The following ERP44 variants were observed in gnomAD, a reference collection of about 807,000 sequenced individuals.
ERP44 encodes endoplasmic reticulum resident protein 44.
In ERP44, 25 loss-of-function variants were observed where a neutral mutation model predicts 53.4. The ratio of observed to expected loss-of-function variants is 0.47; its 90% CI spans 0.34 to 0.65. ERP44 has a LOEUF of 0.65. ERP44 is among the 30% of genes least tolerant of loss of function. The pLI is 0.01. For missense variants in ERP44, 338 were observed against 493.2 expected, an observed-to-expected ratio of 0.69 and a Z score of 2.98; for synonymous variants, 145 against 161.2, an observed-to-expected ratio of 0.90 and a Z score of 0.76.
chr9:100,054,957 TC>T (rs1205413710), intron 3 of ERP44, among the ~76,000 whole-genome samples: 3 of 152,088 alleles, frequency 2.0e-5, no homozygotes, highest in Admixed American at 2.0e-4. Context: ...CCTTAACAAA[TC>T]TACCAAATAG....
chr9:100,086,276 A>G (rs959305325), intron 1 of ERP44, among the ~76,000 whole-genome samples: 1 of 152,248 alleles, frequency 6.6e-6, no homozygotes, highest in African/African-American at 2.4e-5. Flanking sequence ...TCTATCAATC[A>G]TAATTATAGT....
At chr9:100,010,834 G>C (rs1830467426) in intron 8 of ERP44, among the ~76,000 whole-genome samples, 1 of 150,044 alleles carries the variant, frequency 6.7e-6, no homozygotes, top group Admixed American at 6.7e-5. Context: ...CTGGGGGGCA[G>C]AGGTTACAGT....
At chr9:100,063,674 T>A (rs1826180205) in intron 1 of ERP44, among the ~76,000 whole-genome samples, 1 of 152,206 alleles carries the variant, frequency 6.6e-6, no homozygotes, top group Non-Finnish European at 1.5e-5. Context: ...TTTTCATAGA[T>A]CTTAATAGTC....
chr9:100,054,640 G>C (rs944961429), intron 3 of ERP44, among the ~76,000 whole-genome samples: 1 of 152,122 alleles, frequency 6.6e-6, no homozygotes, highest in Non-Finnish European at 1.5e-5. Flanking sequence ...TTTGGATTTC[G>C]TATTTTTGGG....
intron 4 of ERP44, among the ~76,000 whole-genome samples, chr9:100,024,180 C>G (rs1015422495): frequency 2.1e-4 from 31 of 151,032 alleles, no homozygotes; most frequent in African/African-American, 7.4e-4. Flanking sequence ...ACAACAACAA[C>G]AACAACAACA....
chr9:100,081,640 C>G (rs1008616631), intron 1 of ERP44, among the ~76,000 whole-genome samples: 1 of 152,096 alleles, frequency 6.6e-6, no homozygotes, highest in Non-Finnish European at 1.5e-5. Flanking sequence ...CAACAGCATT[C>G]CTGATTTAAA....
At chr9:100,046,506 G>T (rs1291887473) in intron 4 of ERP44, among the ~76,000 whole-genome samples, 1 of 151,976 alleles carries the variant, frequency 6.6e-6, no homozygotes, top group Non-Finnish European at 1.5e-5. Context: ...AAAGTTTAAA[G>T]TATCATTTAC....
chr9:100,004,293 C>T (rs1830406173), intron 10 of ERP44, among the ~76,000 whole-genome samples: 1 of 152,176 alleles, frequency 6.6e-6, no homozygotes, highest in Non-Finnish European at 1.5e-5. Context: ...TAGGATAAGC[C>T]TGAACCCTGG....
rs530396253 is a variant in ERP44, at chr9:100,093,649, G to T, written c.57+5135C>A. Among the ~76,000 whole-genome samples, 40 of 151,458 alleles carry T rather than the reference G, an allele frequency of 2.6e-4. No homozygotes were observed. In the South Asian group the frequency reaches 7.9e-3, roughly 30 times the overall value. Reference sequence around the variant, plus strand: ...CACAGCAAGACCCTGTCTGTGGGGGGGGAAAAAAAAAGAACTGTGTGTGTC... The same window carrying T: ...CACAGCAAGACCCTGTCTGTGGGGGTGGAAAAAAAAAGAACTGTGTGTGTC... On this transcript the variant is annotated intron_variant, in intron 1 of 11. Transcript: ENST00000262455.
At chr9:100,006,704 T>A in intron 9 of ERP44, 57 bp from the exon 10 acceptor site, 2 of 1,275,426 alleles carry the variant, frequency 1.6e-6, no homozygotes, top group Non-Finnish European at 2.2e-6. Flanking sequence ...AATATTTTTG[T>A]AAGATTGCAA....
chr9:100,022,053 T>G lies in ERP44; in HGVS notation c.460A>C (p.Thr154Pro). 2 of 1,612,594 alleles carry G rather than the reference T, an allele frequency of 1.2e-6. No homozygotes were observed. Among genetic ancestry groups the G allele is most frequent in the Non-Finnish European group, 8.5e-7 (1 of 1,179,456 alleles). ...IQEIRDLAEI[T>P]TLDRSKRNII... is the part of the protein sequence containing the mutation. The stretch of plus-strand genomic sequence containing the variant: ...AAGTTACAACTTACATCAAGAGTGG[T>G]GATTTCTGCTAAGTCCCGAATTTCT... The change falls in exon 5 of 12, where the codon ACC becomes CCC. Residue 154 changes from threonine (T) to proline (P), a missense_variant. Physicochemically the swap from Thr to Pro is conservative, Grantham distance 38. Around this residue, in one of 3 missense-constraint regions of ERP44, gnomAD observed 224 missense variants for 301.4 expected, o/e 0.74. Coordinates refer to ENST00000262455, the MANE Select transcript of ERP44 (RefSeq NM_015051.3).
intron 5 of ERP44, among the ~76,000 whole-genome samples, chr9:100,021,191 G>A (rs968409679): frequency 5.3e-5 from 8 of 152,116 alleles, no homozygotes; most frequent in African/African-American, 1.9e-4. Context: ...TGCTTGTAGC[G>A]AGCAACACGG....
At chr9:100,048,197 G>A (rs1009320174) in intron 4 of ERP44, among the ~76,000 whole-genome samples, 1 of 151,958 alleles carries the variant, frequency 6.6e-6, no homozygotes, top group Admixed American at 6.6e-5. Context: ...GGGAGGGATA[G>A]CATTAGGAGA....
chr9:100,079,795 C>CCT (rs1249926097), intron 1 of ERP44, among the ~76,000 whole-genome samples: 1 of 151,846 alleles, frequency 6.6e-6, no homozygotes, highest in African/African-American at 2.4e-5. Flanking sequence ...ATTAACTGGG[C>CCT]ATAGTGGTGT....
At chr9:100,097,446 G>T (rs1826650929) in intron 1 of ERP44, among the ~76,000 whole-genome samples, 2 of 151,830 alleles carry the variant, frequency 1.3e-5, no homozygotes, top group Non-Finnish European at 2.9e-5. Context: ...GGAGAGAGTG[G>T]TCTCTAATAA....
intron 4 of ERP44, among the ~76,000 whole-genome samples, chr9:100,029,156 G>C (rs180693105): frequency 1.3e-5 from 2 of 151,532 alleles, no homozygotes; most frequent in East Asian, 3.9e-4. Flanking sequence ...TAAATGCACA[G>C]GCAAAAAAAA....
intron 4 of ERP44, among the ~76,000 whole-genome samples, chr9:100,036,125 C>A (rs145385311): frequency 6.6e-6 from 1 of 152,190 alleles, no homozygotes; most frequent in Admixed American, 6.5e-5. Flanking sequence ...TTCACAATAG[C>A]AAAACCACAG....
chr9:100,043,089 C>A (rs1474038802), intron 4 of ERP44, among the ~76,000 whole-genome samples: 1 of 151,056 alleles, frequency 6.6e-6, no homozygotes, highest in African/African-American at 2.4e-5. Flanking sequence ...GAAACCCAGT[C>A]TCTACTAAAA....
At chr9:100,034,703 T>G (rs1285496194) in intron 4 of ERP44, among the ~76,000 whole-genome samples, 1 of 152,130 alleles carries the variant, frequency 6.6e-6, no homozygotes, top group Non-Finnish European at 1.5e-5. Flanking sequence ...TCAATTCATT[T>G]CCACAGAATT....
Sources: gnomAD v4.1 joint callset for allele counts (sites outside exome capture counted in the v4.1 genomes callset) on GRCh38, gnomAD v4.1.1 for gene constraint, gnomAD v4.1.1 regional missense constraint, MANE v1.5 for transcripts, NCBI Gene and HGNC (gene_info 2026-07-23, HGNC 2026-07-21) for gene names.